Variants in ERP44 observed in about 807,000 individuals in gnomAD.
ERP44 encodes the protein endoplasmic reticulum protein 44.
ERP44 carries 25 observed loss-of-function variants against 53.4 expected under a neutral mutation model. That is an observed-to-expected ratio of 0.47 (90% CI 0.34 to 0.65). The LOEUF (loss-of-function observed/expected upper bound fraction) is 0.65. Among genes scored for constraint, ERP44 ranks in the 30% least tolerant of loss-of-function variants. The pLI, the probability that ERP44 is intolerant of heterozygous loss-of-function variation, is 0.01. For synonymous variants in ERP44, 145 were observed against 161.2 expected (o/e 0.90, Z 0.76); for missense variants, 338 against 493.2 (o/e 0.69, Z 2.98).
At chr9:99,996,365 G>A (rs189971123) in intron 10 of ERP44, among the ~76,000 whole-genome samples, 1 of 152,214 alleles carries the variant, frequency 6.6e-6, no homozygotes, top group East Asian at 1.9e-4. Flanking sequence ...TACTTTCTCT[G>A]CCACGTTTTA....
chr9:99,993,116 C>A (rs1830273293), intron 10 of ERP44, among the ~76,000 whole-genome samples: 1 of 152,126 alleles, frequency 6.6e-6, no homozygotes, highest in East Asian at 1.9e-4. Context: ...TCAATGCCAT[C>A]CCCATCAAGC....
chr9:100,068,134 C>A, intron 1 of ERP44, among the ~76,000 whole-genome samples: 1 of 149,808 alleles, frequency 6.7e-6, no homozygotes, highest in South Asian at 2.1e-4. Flanking sequence ...AGGGGCGCCT[C>A]TGCCCAGCCG....
Position 100,060,973 on chromosome 9 carries a change from CAACTA to C in ERP44, c.58-806_58-802del, listed in dbSNP as rs1826139625. Among the ~76,000 whole-genome samples, 4 of 152,256 alleles carry C rather than the reference CAACTA, an allele frequency of 2.6e-5. No individual in the cohort carries two copies. In the East Asian group the frequency reaches 5.8e-4, roughly 22 times the overall value. ...TAAATCATTGCTTTTTACTGAATGA[CAACTA>C]ATGTCAGGCTCTGATCAAAGTGCTG... On this transcript the variant is annotated intron_variant, in intron 1 of 11. Transcript: ENST00000262455.
At chr9:100,072,138 A>G (rs1375877104) in intron 1 of ERP44, among the ~76,000 whole-genome samples, 1 of 152,166 alleles carries the variant, frequency 6.6e-6, no homozygotes, top group Non-Finnish European at 1.5e-5. Context: ...TCTTTCATTT[A>G]GTCTAAAATA....
At chr9:100,061,633 T>A (rs1478209820) in intron 1 of ERP44, among the ~76,000 whole-genome samples, 1 of 148,176 alleles carries the variant, frequency 6.7e-6, no homozygotes, top group Non-Finnish European at 1.5e-5. Context: ...TAAATATATA[T>A]ATTTATTCTG....
At chr9:100,050,180 C>T (rs1314859832) in intron 4 of ERP44, among the ~76,000 whole-genome samples, 1 of 152,008 alleles carries the variant, frequency 6.6e-6, no homozygotes, top group African/African-American at 2.4e-5. Context: ...AAGGGACAGA[C>T]AGGGATCACA....
intron 4 of ERP44, among the ~76,000 whole-genome samples, chr9:100,037,629 T>C (rs1825858287): frequency 6.6e-6 from 1 of 152,068 alleles, no homozygotes; most frequent in Non-Finnish European, 1.5e-5. Context: ...GTTGAGGACT[T>C]TGTCTCGCAT....
At chr9:100,052,632 G>A (rs529483887) in intron 3 of ERP44, 100 bp from the exon 4 acceptor site, 102 of 534,570 alleles carry the variant, frequency 1.9e-4, no homozygotes, top group African/African-American at 1.7e-3. Flanking sequence ...CATAATAAAC[G>A]ACTCTGCGAG....
At position 99,980,771 on chromosome 9, in the gene ERP44, T is replaced by C. The variant is rs879175181; in HGVS notation, c.*1841A>G. 15 of 152,368 alleles carry C rather than the reference T, an allele frequency of 9.8e-5. No homozygotes were observed. In the East Asian group the frequency reaches 2.5e-3, roughly 25 times the overall value. The allele number at this position is 152,368 out of a possible 1,614,324, so 9.4% of individuals were successfully genotyped here. ...TGGCAGGGCTAGAGCCTAAGCCCAA[T>C]ATGCATGAATGCTAAGTAATACTTC... is the stretch of plus-strand genomic sequence containing the variant. On this transcript the variant is annotated 3_prime_UTR_variant, in exon 12 of 12. Transcript: ENST00000262455.
intron 8 of ERP44, among the ~76,000 whole-genome samples, chr9:100,009,956 C>A (rs1055089324): frequency 4.2e-5 from 2 of 47,554 alleles, no homozygotes; most frequent in African/African-American, 1.1e-4. Flanking sequence ...TTCTAAACTC[C>A]AAGAGCATTT....
intron 10 of ERP44, among the ~76,000 whole-genome samples, chr9:100,001,301 A>G (rs75660082): frequency 0.015 from 2,216 of 152,274 alleles, 28 homozygotes; most frequent in South Asian, 0.036. Flanking sequence ...GGCACTTGAG[A>G]AGAATGTGTA....
In ERP44 at chr9:100,060,130, G is replaced by T; in HGVS notation, c.100C>A (p.Leu34Ile). The change falls in exon 2 of 12, where the codon CTT becomes ATT. Residue 34 changes from leucine (L) to isoleucine (I), a missense_variant. By Grantham distance (5) the Leu-to-Ile change is conservative. This residue lies in a region of ERP44 where 224 missense variants were observed against 301.4 expected (regional missense o/e 0.74). Coordinates refer to ENST00000262455, the MANE Select transcript of ERP44 (RefSeq NM_015051.3). Reference sequence around the variant, plus strand: ...ATTTCATCTATATTCTCTGTATCAAGACTTGTTATTTCAGTTGTTACAGGA... The same window carrying T: ...ATTTCATCTATATTCTCTGTATCAATACTTGTTATTTCAGTTGTTACAGGA... ...FTPVTTEITS[L>I]DTENIDEILN... 6.7e-7 allele frequency: 1 copy of T among 1,498,032 alleles called. No individual in the cohort carries two copies. Among genetic ancestry groups the T allele is most frequent in the South Asian group, 1.4e-5 (1 of 70,468 alleles). 92.8% of individuals were successfully genotyped at this position (1,498,032 alleles called of 1,614,324 possible).
chr9:100,019,484 A>G (rs1830562685), intron 6 of ERP44, among the ~76,000 whole-genome samples: 1 of 152,224 alleles, frequency 6.6e-6, no homozygotes, highest in Admixed American at 6.5e-5. Flanking sequence ...TGGAGAGGAT[A>G]TATTGTGCCA....
At chr9:100,077,404 G>A (rs2118742977) in intron 1 of ERP44, among the ~76,000 whole-genome samples, 1 of 152,290 alleles carries the variant, frequency 6.6e-6, no homozygotes, top group African/African-American at 2.4e-5. Flanking sequence ...ACGCCAACTA[G>A]GTGACAATAC....
At chr9:99,983,531 G>A (rs969888369) in intron 11 of ERP44, among the ~76,000 whole-genome samples, 5 of 127,262 alleles carry the variant, frequency 3.9e-5, no homozygotes, top group South Asian at 2.5e-4. Flanking sequence ...CGACCTGGGC[G>A]ACAGAGCGAG....
chr9:100,085,876 G>T (rs544992609), intron 1 of ERP44, among the ~76,000 whole-genome samples: 16 of 152,276 alleles, frequency 1.1e-4, no homozygotes, highest in African/African-American at 3.9e-4. Context: ...TCTAGCCTGG[G>T]CAACAAGAGC....
At chr9:100,069,110 A>G (rs889247765) in intron 1 of ERP44, among the ~76,000 whole-genome samples, 3 of 151,980 alleles carry the variant, frequency 2.0e-5, no homozygotes, top group African/African-American at 7.2e-5. Context: ...CTTAAGAGTC[A>G]TCACCACTCC....
intron 4 of ERP44, among the ~76,000 whole-genome samples, chr9:100,048,707 G>A (rs754102443): frequency 3.3e-5 from 5 of 152,274 alleles, no homozygotes; most frequent in South Asian, 2.1e-4. Flanking sequence ...AAATTCTGAC[G>A]CATGCTACAA....
At chr9:100,030,333 C>T (rs1825767700) in intron 4 of ERP44, among the ~76,000 whole-genome samples, 1 of 152,028 alleles carries the variant, frequency 6.6e-6, no homozygotes, top group African/African-American at 2.4e-5. Context: ...GAGGAAACCC[C>T]CAACCCAAAA....
Sources: gnomAD v4.1 joint callset for allele counts (sites outside exome capture counted in the v4.1 genomes callset) on GRCh38, gnomAD v4.1.1 for gene constraint, gnomAD v4.1.1 regional missense constraint, MANE v1.5 for transcripts, NCBI Gene and HGNC (gene_info 2026-07-23, HGNC 2026-07-21) for gene names.